The following DNAH9 variants were observed in gnomAD, a reference collection of about 807,000 sequenced individuals.
The protein encoded by DNAH9 is DNAH9 variant protein.
Under a neutral mutation model 471.6 loss-of-function variants are expected in DNAH9, and 345 were observed. The ratio of observed to expected loss-of-function variants is 0.73; its 90% confidence interval spans 0.67 to 0.80. DNAH9 has a LOEUF of 0.80. Among genes scored for constraint, DNAH9 ranks in the 30% least tolerant of loss-of-function variants. DNAH9 has a pLI of 0.00. For missense variants in DNAH9, 5,407 were observed against 5,609.2 expected (o/e 0.96, Z 1.15); for synonymous variants, 2,093 against 2,123.6 (o/e 0.99, Z 0.40).
intron 61 of DNAH9, 58 bp downstream of exon 61, chr17:11,905,867 TG>T: frequency 6.6e-7 from 1 of 1,521,148 alleles, no homozygotes. Flanking sequence ...CTTTCATTCT[TG>T]GGGTCTATTG....
chr17:11,900,834 A>G (rs1339237426), intron 59 of DNAH9, among the ~76,000 whole-genome samples: 3 of 152,102 alleles, frequency 2.0e-5, no homozygotes, highest in Non-Finnish European at 4.4e-5. Flanking sequence ...CATTGGGGAA[A>G]CCAGGCATTC....
Position 11,834,654 on chromosome 17 carries a change from C to G in DNAH9, c.9263C>G (p.Ala3088Gly), listed in dbSNP as rs1970786782. ...STSAQVDDLKAKLAAQEVELK... is the reference protein window; with the variant it reads ...STSAQVDDLKGKLAAQEVELK... Reference sequence around the variant, plus strand: ...CCAATGCAGGTGGATGATCTGAAAGCAAAGCTGGCTGCCCAGGAAGTAGAG... The same window carrying G: ...CCAATGCAGGTGGATGATCTGAAAGGAAAGCTGGCTGCCCAGGAAGTAGAG... The change falls in exon 49 of 69, where the codon GCA becomes GGA. Residue 3088 changes from alanine to glycine, a missense_variant. Around this residue, in one of 3 missense-constraint regions of DNAH9, gnomAD observed 4,636 missense variants for 4,900.3 expected, o/e 0.95. Coordinates refer to ENST00000262442, the MANE Select transcript of DNAH9 (RefSeq NM_001372.4). 2 of 1,613,900 alleles carry G rather than the reference C, an allele frequency of 1.2e-6. No individual in the cohort carries two copies. The highest frequency in any genetic ancestry group is 1.3e-5 in the African/African-American group (1 of 74,910).
At chr17:11,845,390 T>G (rs1971186259) in intron 49 of DNAH9, among the ~76,000 whole-genome samples, 1 of 150,442 alleles carries the variant, frequency 6.6e-6, no homozygotes, top group Non-Finnish European at 1.5e-5. Flanking sequence ...CACATTTTCT[T>G]AATCCAGTCT....
At chr17:11,818,877 C>CATT (rs1367513775) in intron 45 of DNAH9, among the ~76,000 whole-genome samples, 87 of 132,498 alleles carry the variant, frequency 6.6e-4, no homozygotes, top group Admixed American at 3.3e-3. Context: ...AGTCTGTCTC[C>CATT]ATTATTACTA....
chr17:11,843,890 T>C lies in DNAH9; in HGVS notation c.9507+8992T>C, dbSNP rs185456146. Reference sequence around the variant, plus strand: ...ATATATATATATATATATATATATATACACATAGAGAGAGAGAGAATAATA... The same window carrying C: ...ATATATATATATATATATATATATACACACATAGAGAGAGAGAGAATAATA... On this transcript the variant is annotated intron_variant, in intron 49 of 68. Transcript: ENST00000262442. 1.6e-3 allele frequency among the ~76,000 whole-genome samples: 203 copies of C among 127,182 alleles called. 6 individuals are homozygous for C. The highest frequency in any genetic ancestry group is 3.9e-3 in the African/African-American group (127 of 32,332). 83.4% of individuals were successfully genotyped at this position (127,182 alleles called of 152,430 possible). A position where few individuals can be genotyped will look rare whatever the true frequency, so the allele number is the denominator to read the frequency against.
chr17:11,687,845 G>A (rs1463640696), intron 19 of DNAH9, among the ~76,000 whole-genome samples: 1 of 151,936 alleles, frequency 6.6e-6, no homozygotes, highest in African/African-American at 2.4e-5. Flanking sequence ...CCATAAAAAA[G>A]CCATCTGCAG....
chr17:11,614,203 A>G (rs2072694791), intron 4 of DNAH9, among the ~76,000 whole-genome samples: 1 of 151,778 alleles, frequency 6.6e-6, no homozygotes, highest in Non-Finnish European at 1.5e-5. Context: ...GCTGAATTTC[A>G]GAGCATCTTT....
chr17:11,723,200 A>G (rs1293770659), intron 27 of DNAH9: 1 of 152,092 alleles, frequency 6.6e-6, no homozygotes, highest in Non-Finnish European at 1.5e-5. Context: ...CTTCTCTTGC[A>G]TTGTGGTTAG....
intron 33 of DNAH9, among the ~76,000 whole-genome samples, chr17:11,753,835 T>C (rs923399188): frequency 1.4e-4 from 21 of 152,228 alleles, no homozygotes; most frequent in African/African-American, 4.8e-4. Flanking sequence ...TATTTTAGGT[T>C]TGAGGGTACC....
chr17:11,692,969 G>A (rs908161756), intron 20 of DNAH9, among the ~76,000 whole-genome samples: 1 of 152,042 alleles, frequency 6.6e-6, no homozygotes, highest in South Asian at 2.1e-4. Context: ...GCAGTGGCAC[G>A]GTCTCGGCTC....
chr17:11,642,645 G>T (rs2073298939), intron 10 of DNAH9, among the ~76,000 whole-genome samples: 2 of 152,202 alleles, frequency 1.3e-5, no homozygotes, highest in Non-Finnish European at 2.9e-5. Flanking sequence ...GGAACTGCAG[G>T]AATTTCACTG....
intron 53 of DNAH9, among the ~76,000 whole-genome samples, 196 bp downstream of exon 53, chr17:11,875,380 A>C (rs1384329355): frequency 6.6e-5 from 10 of 152,134 alleles, no homozygotes; most frequent in African/African-American, 2.4e-4. Flanking sequence ...TTTTATCCAC[A>C]TGAGAAATTA....
At chr17:11,888,188 G>T (rs542156497) in intron 57 of DNAH9, among the ~76,000 whole-genome samples, 3 of 151,996 alleles carry the variant, frequency 2.0e-5, no homozygotes, top group East Asian at 1.9e-4. Flanking sequence ...GTTTCACTGT[G>T]TTAGCCAGGA....
At position 11,843,888 on chromosome 17, in the gene DNAH9, T is replaced by TATATATATATATATAC. The variant is rs1188211391; in HGVS notation, c.9507+8993_9507+8994insTATATATATATACATA. Among the ~76,000 whole-genome samples the TATATATATATATATAC allele has an allele frequency of 3.0e-5, 4 of 133,086 alleles. No homozygotes were observed. The Admixed American group carries it at 3.1e-4, about 10-fold the overall frequency. 87.3% of individuals were successfully genotyped at this position (133,086 alleles called of 152,430 possible). On this transcript the variant is annotated intron_variant, in intron 49 of 68. Transcript: ENST00000262442. Reference sequence around the variant, plus strand: ...GTATATATATATATATATATATATATATACACATAGAGAGAGAGAGAATAA... The same window carrying TATATATATATATATAC: ...GTATATATATATATATATATATATATATATATATATATATACATACACATAGAGAGAGAGAGAATAA...
At chr17:11,705,592 G>A in intron 26 of DNAH9, 1 of 169,682 alleles carries the variant, frequency 5.9e-6, no homozygotes, top group South Asian at 1.6e-4. Context: ...AGAGTAGGAG[G>A]GTGATGAAGA....
rs2074559681 is a variant in DNAH9, at chr17:11,699,834, A to C, written c.4976A>C (p.Lys1659Thr). 11 of 1,614,198 alleles carry C rather than the reference A, an allele frequency of 6.8e-6. No individual in the cohort carries two copies. The highest frequency in any genetic ancestry group is 9.3e-6 in the Non-Finnish European group (11 of 1,180,014). The change falls in exon 23 of 69, where the codon AAA becomes ACA. Residue 1659 changes from lysine to threonine, a missense_variant. Lys to Thr is a moderately conservative substitution (Grantham distance 78). Coordinates refer to ENST00000262442, the MANE Select transcript of DNAH9 (RefSeq NM_001372.4). ...AAGACAAGCCTCGGCATGTACAGCA[A>C]AGAAGAGGAGTATGTGGCTTTCAGT... ...PTKTSLGMYS[K>T]EEEYVAFSEP...
At chr17:11,849,751 CA>C (rs1971349266) in intron 49 of DNAH9, among the ~76,000 whole-genome samples, 1 of 152,200 alleles carries the variant, frequency 6.6e-6, no homozygotes, top group African/African-American at 2.4e-5. Context: ...TTGTTTTTCT[CA>C]GTATTTAAAA....
At position 11,611,747 on chromosome 17, in the gene DNAH9, G is replaced by A; in HGVS notation, c.871G>A (p.Ala291Thr). 2.5e-6 allele frequency: 4 copies of A among 1,614,198 alleles called. No individual in the cohort carries two copies. Among genetic ancestry groups the A allele is most frequent in the Non-Finnish European group, 3.4e-6 (4 of 1,180,004 alleles). The change falls in exon 4 of 69, where the codon GCT becomes ACT. Residue 291 changes from alanine (A) to threonine (T), a missense_variant. Transcript: ENST00000262442. Reference protein sequence around the residue: ...LDKLQSSYFPAFKAMYRDVVA... With the variant: ...LDKLQSSYFPTFKAMYRDVVA... ...CAAGCTTCAGAGTAGCTACTTTCCA[G>A]CTTTCAAAGCCATGTACAGAGATGT... is the stretch of plus-strand genomic sequence containing the variant.
chr17:11,885,436 A>T (rs1972852387), intron 56 of DNAH9, among the ~76,000 whole-genome samples: 1 of 152,248 alleles, frequency 6.6e-6, no homozygotes, highest in Non-Finnish European at 1.5e-5. Flanking sequence ...CCTGATGGGC[A>T]TCAAAGATCA....
Sources: gnomAD v4.1 joint callset for allele counts (sites outside exome capture counted in the v4.1 genomes callset) on GRCh38, gnomAD v4.1.1 for gene constraint, gnomAD v4.1.1 regional missense constraint, MANE v1.5 for transcripts, NCBI Gene and HGNC (gene_info 2026-07-23, HGNC 2026-07-21) for gene names.